Variants in BICDL1 observed in about 807,000 individuals in gnomAD.
The protein encoded by BICDL1 is BICD family like cargo adaptor 1.
In BICDL1, 20 loss-of-function variants were observed where a neutral mutation model predicts 76.8. That is an observed-to-expected ratio of 0.26 (90% CI 0.18 to 0.38). The LOEUF is 0.38. BICDL1 is among the 10% of genes least tolerant of loss of function. The probability of loss-of-function intolerance (pLI) is 1.00; values close to 1 mark genes in which losing one functional copy is unlikely to be tolerated. For missense variants in BICDL1, 700 were observed against 798.6 expected (o/e 0.88, Z 1.49); for synonymous variants, 383 against 337.1 (o/e 1.14, Z -1.49).
intron 7 of BICDL1, among the ~76,000 whole-genome samples, chr12:120,075,146 A>C (rs1594203315): frequency 6.6e-6 from 1 of 152,266 alleles, no homozygotes; most frequent in East Asian, 1.9e-4. Context: ...GCCCCACCCA[A>C]AAAGGAGCTT....
At chr12:120,052,257 C>T (rs1407107467) in intron 2 of BICDL1, among the ~76,000 whole-genome samples, 3 of 150,416 alleles carry the variant, frequency 2.0e-5, no homozygotes, top group Non-Finnish European at 4.4e-5. Flanking sequence ...CGCCCCTCCC[C>T]TCCCCTTCTC....
intron 2 of BICDL1, among the ~76,000 whole-genome samples, chr12:120,010,698 A>G (rs1366139988): frequency 2.0e-5 from 3 of 152,172 alleles, no homozygotes; most frequent in Non-Finnish European, 4.4e-5. Context: ...TGTTTTATGT[A>G]TTGAAGTTCT....
intron 2 of BICDL1, among the ~76,000 whole-genome samples, chr12:120,050,267 C>CT (rs1195467275): frequency 9.4e-4 from 127 of 134,854 alleles, no homozygotes; most frequent in Non-Finnish European, 1.5e-3. Context: ...TTTTTTTTTT[C>CT]TTTTTTTTTC....
At position 120,080,568 on chromosome 12, in the gene BICDL1, GT is replaced by G. The variant is rs1873888909; in HGVS notation, c.1453-317del. 6 of 230,454 alleles carry G rather than the reference GT, an allele frequency of 2.6e-5. No homozygotes were observed. The South Asian group carries it at 4.2e-4, about 16-fold the overall frequency. The allele number at this position is 230,454 out of a possible 1,614,324, so 14.3% of individuals were successfully genotyped here. ...GATGACTTATGGTCTTCATTCACTT[GT>G]TACCTGGAGTGCCTGGAGATGGAGG... On this transcript the variant is annotated intron_variant, in intron 7 of 9. Transcript: ENST00000548673.
At chr12:120,008,150 CTTTTTT>C (rs71072590) in intron 2 of BICDL1, among the ~76,000 whole-genome samples, 3 of 61,716 alleles carry the variant, frequency 4.9e-5, no homozygotes, top group African/African-American at 1.4e-4. Flanking sequence ...ATTACTCTTT[CTTTTTT>C]TTTTTTTTTT....
chr12:120,024,242 C>T (rs1952242732), intron 2 of BICDL1, among the ~76,000 whole-genome samples: 1 of 152,154 alleles, frequency 6.6e-6, no homozygotes, highest in African/African-American at 2.4e-5. Context: ...GATCGCACCA[C>T]TGCACTCCAG....
chr12:120,006,019 ACTCTC>A (rs1745403200), intron 2 of BICDL1, among the ~76,000 whole-genome samples: 1 of 152,132 alleles, frequency 6.6e-6, no homozygotes, highest in Non-Finnish European at 1.5e-5. Flanking sequence ...AATAGTCTAT[ACTCTC>A]CTCATATCTA....
intron 2 of BICDL1, among the ~76,000 whole-genome samples, chr12:120,058,647 G>A (rs886400965): frequency 6.7e-6 from 1 of 148,798 alleles, no homozygotes; most frequent in African/African-American, 2.5e-5. Context: ...CTGGAGTGCA[G>A]TGGCGCGATC....
At chr12:120,085,703 G>A (rs1336263125) in intron 8 of BICDL1, among the ~76,000 whole-genome samples, 1 of 150,840 alleles carries the variant, frequency 6.6e-6, no homozygotes, top group African/African-American at 2.4e-5. Flanking sequence ...GAGTCGCAGA[G>A]GTGGGAGGAT....
At chr12:120,052,847 G>A (rs1952892349) in intron 2 of BICDL1, among the ~76,000 whole-genome samples, 1 of 152,056 alleles carries the variant, frequency 6.6e-6, no homozygotes, top group Admixed American at 6.6e-5. Flanking sequence ...TCTTGGCTCA[G>A]TGCAACCTCT....
chr12:119,992,958 C>G (rs1234886061), intron 1 of BICDL1: 1 of 151,678 alleles, frequency 6.6e-6, no homozygotes, highest in Non-Finnish European at 1.5e-5. Context: ...CTTCCACCCC[C>G]CCACCCTGCC....
intron 1 of BICDL1, among the ~76,000 whole-genome samples, chr12:119,992,029 C>T (rs1447679325): frequency 6.6e-6 from 1 of 152,158 alleles, no homozygotes; most frequent in Admixed American, 6.5e-5. Context: ...ATTTTAAGTT[C>T]TGGAGATAGT....
intron 1 of BICDL1, among the ~76,000 whole-genome samples, chr12:119,994,183 C>T (rs1016424126): frequency 2.6e-5 from 4 of 152,084 alleles, no homozygotes; most frequent in Non-Finnish European, 4.4e-5. Context: ...TTTCCTCCTT[C>T]CCCAGGCCAG....
Position 120,049,815 on chromosome 12 carries a change from A to C in BICDL1, c.646-11895A>C, listed in dbSNP as rs1179887503. Among the ~76,000 whole-genome samples the C allele has an allele frequency of 2.0e-5, 3 of 152,184 alleles. No homozygotes were observed. In the East Asian group the frequency reaches 5.8e-4, roughly 29 times the overall value. Reference sequence around the variant, plus strand: ...CTTCTGACTAGTCTTCCAATTTGGTAATTTTCTCTTCAGTTGTCACATGTG... The same window carrying C: ...CTTCTGACTAGTCTTCCAATTTGGTCATTTTCTCTTCAGTTGTCACATGTG... On this transcript the variant is annotated intron_variant, in intron 2 of 9. Transcript: ENST00000548673.
intron 2 of BICDL1, among the ~76,000 whole-genome samples, chr12:120,056,048 A>T (rs1382749517): frequency 6.6e-6 from 1 of 152,242 alleles, no homozygotes; most frequent in East Asian, 1.9e-4. Flanking sequence ...AATTAGAATA[A>T]GGTAGATCTA....
At chr12:120,089,353 T>TGA (rs1373901628) in intron 8 of BICDL1, among the ~76,000 whole-genome samples, 2 of 151,746 alleles carry the variant, frequency 1.3e-5, no homozygotes, top group Admixed American at 6.6e-5. Flanking sequence ...CGTGTGTGTG[T>TGA]GACGGAGTTC....
chr12:120,066,090 T>C (rs1953214494), intron 4 of BICDL1, among the ~76,000 whole-genome samples: 2 of 152,360 alleles, frequency 1.3e-5, no homozygotes, highest in African/African-American at 4.8e-5. Flanking sequence ...AGTGAACATT[T>C]GTGTGCCTCT....
At chr12:120,082,837 G>A (rs1017386203) in intron 8 of BICDL1, among the ~76,000 whole-genome samples, 1 of 151,626 alleles carries the variant, frequency 6.6e-6, no homozygotes, top group Admixed American at 6.6e-5. Flanking sequence ...CCAAAGTGCT[G>A]AGATTATAGG....
Position 120,092,601 on chromosome 12 carries a change from C to A in BICDL1, c.1705-399C>A, listed in dbSNP as rs375523969. 15 of 985,460 alleles carry A rather than the reference C, an allele frequency of 1.5e-5. No homozygotes were observed. The African/African-American group carries it at 2.6e-4, about 17-fold the overall frequency. 61.0% of individuals were successfully genotyped at this position (985,460 alleles called of 1,614,324 possible). ...GAGGTGGCCCTAGGGCCTGCCGGGG[C>A]TGGGGGTGGCAAGCCAAACCGGAGG... On this transcript the variant is annotated intron_variant, in intron 9 of 9. Coordinates refer to ENST00000548673, the MANE Select transcript of BICDL1 (RefSeq NM_001367886.1).
Sources: gnomAD v4.1 joint callset for allele counts (sites outside exome capture counted in the v4.1 genomes callset) on GRCh38, gnomAD v4.1.1 for gene constraint, MANE v1.5 for transcripts, NCBI Gene and HGNC (gene_info 2026-07-23, HGNC 2026-07-21) for gene names.